The following RBFOX1 variants were observed in gnomAD, a reference collection of about 807,000 sequenced individuals.
The protein encoded by RBFOX1 is RNA binding protein fox-1 homolog 1.
In RBFOX1, 8 loss-of-function variants were observed where a neutral mutation model predicts 57.7. That is an observed-to-expected ratio of 0.14 (90% CI 0.08 to 0.25). RBFOX1 has a LOEUF of 0.25. RBFOX1 is among the 10% of genes least tolerant of loss of function. The pLI is 1.00. For missense variants in RBFOX1, 611 were observed against 548.5 expected, an observed-to-expected ratio of 1.11 and a Z score of -1.14; for synonymous variants, 326 against 222.4, an observed-to-expected ratio of 1.47 and a Z score of -4.15.
At chr16:6,568,130 G>C (rs973935932) in intron 2 of RBFOX1, among the ~76,000 whole-genome samples, 2 of 152,172 alleles carry the variant, frequency 1.3e-5, no homozygotes, top group Admixed American at 1.3e-4. Flanking sequence ...CTAATACCAT[G>C]TAACAAATTA....
intron 3 of RBFOX1, among the ~76,000 whole-genome samples, chr16:6,897,841 C>T (rs1289896607): frequency 6.6e-6 from 1 of 152,092 alleles, no homozygotes; most frequent in Non-Finnish European, 1.5e-5. Context: ...CAGAGCCCTG[C>T]AGTTTCTGAG....
intron 4 of RBFOX1, among the ~76,000 whole-genome samples, chr16:7,370,966 C>T (rs150852897): frequency 1.3e-5 from 2 of 152,266 alleles, no homozygotes; most frequent in Non-Finnish European, 2.9e-5. Flanking sequence ...AGAAGCAAAG[C>T]CCCAATCAGG....
intron 3 of RBFOX1, among the ~76,000 whole-genome samples, chr16:6,899,024 T>A (rs1180112428): frequency 6.6e-6 from 1 of 151,732 alleles, no homozygotes; most frequent in African/African-American, 2.4e-5. Flanking sequence ...CGTCTCTGTG[T>A]GTGTGTATAA....
chr16:6,794,380 C>T (rs776600560), intron 3 of RBFOX1, among the ~76,000 whole-genome samples: 2 of 148,070 alleles, frequency 1.4e-5, no homozygotes, highest in African/African-American at 4.9e-5. Flanking sequence ...CTTAACTACA[C>T]TCTTTGAAAA....
At chr16:5,522,091 C>T (rs528543989) in intron 2 of RBFOX1, among the ~76,000 whole-genome samples, 2 of 152,366 alleles carry the variant, frequency 1.3e-5, no homozygotes, top group South Asian at 4.1e-4. Flanking sequence ...ATGCTGGAGG[C>T]AGCCAGGCTC....
At chr16:7,407,512 A>G (rs1471912281) in intron 4 of RBFOX1, among the ~76,000 whole-genome samples, 3 of 152,216 alleles carry the variant, frequency 2.0e-5, no homozygotes, top group South Asian at 2.1e-4. Context: ...TTGTATCCCC[A>G]GAGGCTGCTA....
At chr16:7,215,679 G>A (rs1456948099) in intron 4 of RBFOX1, among the ~76,000 whole-genome samples, 2 of 151,050 alleles carry the variant, frequency 1.3e-5, no homozygotes, top group African/African-American at 4.9e-5. Flanking sequence ...CCAATGCTAG[G>A]CCACCACTAA....
intron 3 of RBFOX1, among the ~76,000 whole-genome samples, chr16:6,864,893 G>A (rs762346591): frequency 4.0e-5 from 6 of 150,678 alleles, no homozygotes; most frequent in Non-Finnish European, 7.4e-5. Flanking sequence ...CAAGAGGGGC[G>A]TTTTTGGTTT....
In RBFOX1 at chr16:6,263,055, G is replaced by A. The variant is rs189394945; in HGVS notation, c.-126-53940G>A. Among the ~76,000 whole-genome samples the A allele has an allele frequency of 5.7e-3, 872 of 152,290 alleles. 7 individuals carry two copies. The highest frequency in any genetic ancestry group is 0.014 in the Middle Eastern group (4 of 294). On this transcript the variant is annotated intron_variant, in intron 1 of 15. Transcript: ENST00000550418. ...ACCCACTCAAAGAACCAGGGAGAGA[G>A]CTGTAATGTGCCCAAGACTGAAATG...
At chr16:6,491,307 G>C (rs2095627965) in intron 2 of RBFOX1, among the ~76,000 whole-genome samples, 1 of 151,934 alleles carries the variant, frequency 6.6e-6, no homozygotes, top group Non-Finnish European at 1.5e-5. Flanking sequence ...GAAGTATATG[G>C]AATACTTCCG....
chr16:6,285,131 T>C (rs186743932), intron 1 of RBFOX1, among the ~76,000 whole-genome samples: 20 of 152,158 alleles, frequency 1.3e-4, no homozygotes, highest in African/African-American at 4.8e-4. Flanking sequence ...AAATTAAAAA[T>C]AATGGCTAAA....
intron 4 of RBFOX1, among the ~76,000 whole-genome samples, chr16:7,251,064 T>C (rs964624684): frequency 6.6e-6 from 1 of 152,142 alleles, no homozygotes; most frequent in Admixed American, 6.5e-5. Context: ...ATGATACATG[T>C]CATTAACTAT....
chr16:5,850,974 C>T (rs1225185645), intron 3 of RBFOX1, among the ~76,000 whole-genome samples: 1 of 152,212 alleles, frequency 6.6e-6, no homozygotes, highest in Non-Finnish European at 1.5e-5. Flanking sequence ...GAGGCTCATG[C>T]ATCCTCTGAG....
At chr16:7,336,514 A>C (rs537631563) in intron 4 of RBFOX1, among the ~76,000 whole-genome samples, 13 of 152,212 alleles carry the variant, frequency 8.5e-5, no homozygotes, top group Non-Finnish European at 1.3e-4. Context: ...TCAGTTATCC[A>C]TTCACTGTAT....
intron 4 of RBFOX1, among the ~76,000 whole-genome samples, chr16:7,205,802 T>A (rs7204662): frequency 0.013 from 1,944 of 152,324 alleles, 46 homozygotes; most frequent in African/African-American, 0.044. Context: ...CTGTATGAGG[T>A]GAATTGAAAC....
chr16:7,409,275 G>A (rs1473753398), intron 4 of RBFOX1, among the ~76,000 whole-genome samples: 3 of 152,186 alleles, frequency 2.0e-5, no homozygotes, highest in East Asian at 1.9e-4. Flanking sequence ...AGCTTTGTCC[G>A]ATCTGCCTGT....
rs183705745 is a variant in RBFOX1 at position 6,965,517 on chromosome 16, A to G, written c.-15-86540A>G. Among the ~76,000 whole-genome samples the G allele has an allele frequency of 3.5e-3, 534 of 152,142 alleles. 5 individuals are homozygous for G. The highest frequency in any genetic ancestry group is 0.01 in the Middle Eastern group (3 of 294). On this transcript the variant is annotated intron_variant, in intron 3 of 15. Transcript: ENST00000550418. ...ATGCCTGGCTAATTTTTGTATTTTT[A>G]GTAGAGGCAGGGTTTCACCATGTTG...
intron 3 of RBFOX1, among the ~76,000 whole-genome samples, chr16:6,877,686 C>T (rs906141979): frequency 6.6e-6 from 1 of 152,222 alleles, no homozygotes; most frequent in Middle Eastern, 3.4e-3. Context: ...GATTGCTATT[C>T]TCTGTGTATA....
chr16:6,863,590 G>A (rs1052487530), intron 3 of RBFOX1, among the ~76,000 whole-genome samples: 4 of 148,430 alleles, frequency 2.7e-5, no homozygotes, highest in South Asian at 4.3e-4. Flanking sequence ...TCTGTTCCTG[G>A]ACGCCATTTT....
Sources: gnomAD v4.1 joint callset for allele counts (sites outside exome capture counted in the v4.1 genomes callset) on GRCh38, gnomAD v4.1.1 for gene constraint, MANE v1.5 for transcripts, NCBI Gene and HGNC (gene_info 2026-07-23, HGNC 2026-07-21) for gene names.